The following COX7B2 variants were observed in gnomAD, a reference collection of about 807,000 sequenced individuals.
COX7B2 encodes cytochrome c oxidase subunit 7B2, also known as cytochrome c oxidase subunit 7B2, mitochondrial.
For missense variants in COX7B2, 109 were observed against 95.9 expected, an observed-to-expected ratio of 1.14 and a Z score of -0.57; for synonymous variants, 37 against 32.1, an observed-to-expected ratio of 1.15 and a Z score of -0.51.
Position 46,891,746 on chromosome 4 carries a change from T to A in COX7B2, c.-105+17414A>T, listed in dbSNP as rs193218215. Among the ~76,000 whole-genome samples, 132 of 152,258 alleles carry A rather than the reference T, an allele frequency of 8.7e-4. 2 individuals carry two copies. The highest frequency in any genetic ancestry group is 1.4e-3 in the Non-Finnish European group (96 of 68,020). ...TCTTCAAACCTGTGTCACTAGGCAA[T>A]AACGGAAGATTCAGGAAAAGCTGAA... is the stretch of plus-strand genomic sequence containing the variant. On this transcript the variant is annotated intron_variant, in intron 1 of 2. Transcript: ENST00000355591.
At chr4:46,738,226 A>T (rs1212971609) in intron 2 of COX7B2, among the ~76,000 whole-genome samples, 1 of 152,042 alleles carries the variant, frequency 6.6e-6, no homozygotes, top group Admixed American at 6.6e-5. Flanking sequence ...TGACAAATTG[A>T]TTTCATTTTT....
chr4:46,777,112 T>A (rs59513264), intron 2 of COX7B2, among the ~76,000 whole-genome samples: 5,119 of 152,232 alleles, frequency 0.034, 219 homozygotes, highest in African/African-American at 0.1. Flanking sequence ...CATGCCATGG[T>A]CATTAAGGCT....
At chr4:46,896,588 T>C (rs1381706800) in intron 1 of COX7B2, among the ~76,000 whole-genome samples, 1 of 152,066 alleles carries the variant, frequency 6.6e-6, no homozygotes, top group Non-Finnish European at 1.5e-5. Flanking sequence ...TGGAAAAACC[T>C]TCCTCTGGGG....
At chr4:46,842,038 AATTAAC>A (rs1428590175) in intron 2 of COX7B2, among the ~76,000 whole-genome samples, 2 of 151,994 alleles carry the variant, frequency 1.3e-5, no homozygotes, top group African/African-American at 4.8e-5. Context: ...CAGTTTCTAA[AATTAAC>A]ATTCCTTTAC....
intron 2 of COX7B2, among the ~76,000 whole-genome samples, chr4:46,840,031 A>G (rs769902837): frequency 1.3e-5 from 2 of 152,020 alleles, no homozygotes; most frequent in Non-Finnish European, 2.9e-5. Context: ...CAACCTGAGG[A>G]CGTTCTCTTA....
At chr4:46,825,419 G>T (rs985774883) in intron 2 of COX7B2, among the ~76,000 whole-genome samples, 1 of 152,096 alleles carries the variant, frequency 6.6e-6, no homozygotes, top group Non-Finnish European at 1.5e-5. Flanking sequence ...CATGCTCATA[G>T]AAGGAAGAAT....
chr4:46,880,916 C>T (rs1198380956), intron 1 of COX7B2, among the ~76,000 whole-genome samples: 1 of 144,514 alleles, frequency 6.9e-6, no homozygotes, highest in Non-Finnish European at 1.5e-5. Flanking sequence ...GTGGGTGCAG[C>T]GCACCAGCAT....
chr4:46,900,440 G>A (rs1258286690), intron 1 of COX7B2, among the ~76,000 whole-genome samples: 1 of 152,162 alleles, frequency 6.6e-6, no homozygotes, highest in East Asian at 1.9e-4. Context: ...GGCTTCTTGA[G>A]TAGAACAACT....
intron 1 of COX7B2, among the ~76,000 whole-genome samples, chr4:46,846,618 T>A (rs994634025): frequency 6.6e-6 from 1 of 151,744 alleles, no homozygotes; most frequent in Non-Finnish European, 1.5e-5. Flanking sequence ...CCTGAGCTGC[T>A]CAGAAAACAG....
intron 2 of COX7B2, among the ~76,000 whole-genome samples, chr4:46,794,963 C>T (rs1718245484): frequency 6.6e-6 from 1 of 152,190 alleles, no homozygotes; most frequent in Non-Finnish European, 1.5e-5. Context: ...AGCCAATTTA[C>T]AGATTCAGAA....
chr4:46,868,503 A>T (rs1717804166), intron 1 of COX7B2, among the ~76,000 whole-genome samples: 1 of 152,124 alleles, frequency 6.6e-6, no homozygotes, highest in South Asian at 2.1e-4. Flanking sequence ...TGATGTGGGC[A>T]TTAGTCCTAT....
At chr4:46,826,934 C>A (rs567532318) in intron 2 of COX7B2, among the ~76,000 whole-genome samples, 1 of 151,976 alleles carries the variant, frequency 6.6e-6, no homozygotes, top group South Asian at 2.1e-4. Flanking sequence ...GGAAATTCTA[C>A]AGCCAAAAAG....
At chr4:46,907,313 T>C (rs909053416) in intron 1 of COX7B2, among the ~76,000 whole-genome samples, 1 of 152,200 alleles carries the variant, frequency 6.6e-6, no homozygotes, top group East Asian at 1.9e-4. Context: ...CCTAAAAACT[T>C]TTCTTTTTCT....
intron 1 of COX7B2, among the ~76,000 whole-genome samples, chr4:46,896,410 CAATA>C (rs1719764684): frequency 6.6e-6 from 1 of 152,072 alleles, no homozygotes; most frequent in Admixed American, 6.6e-5. Flanking sequence ...CCAATAAATG[CAATA>C]AATAATTAAA....
At chr4:46,890,887 T>C (rs1172337192) in intron 1 of COX7B2, among the ~76,000 whole-genome samples, 1 of 152,180 alleles carries the variant, frequency 6.6e-6, no homozygotes, top group Admixed American at 6.5e-5. Context: ...AATAGCATAG[T>C]TACATTTTAA....
chr4:46,811,601 T>C (rs557040194), intron 2 of COX7B2, among the ~76,000 whole-genome samples: 5 of 152,204 alleles, frequency 3.3e-5, no homozygotes, highest in East Asian at 1.9e-4. Context: ...CTTAAGATCA[T>C]TATTTTGATT....
chr4:46,806,052 T>C (rs1292006730), intron 2 of COX7B2, among the ~76,000 whole-genome samples: 1 of 152,178 alleles, frequency 6.6e-6, no homozygotes, highest in Admixed American at 6.5e-5. Context: ...GTCCTTGTAA[T>C]TGCCTCATAT....
chr4:46,780,120 C>T (rs1456133125), intron 2 of COX7B2, among the ~76,000 whole-genome samples: 1 of 152,002 alleles, frequency 6.6e-6, no homozygotes, highest in African/African-American at 2.4e-5. Flanking sequence ...ATTTAATAAG[C>T]TTGATTAGAT....
At chr4:46,886,440 A>C (rs1305865566) in intron 1 of COX7B2, among the ~76,000 whole-genome samples, 1 of 152,184 alleles carries the variant, frequency 6.6e-6, no homozygotes, top group Non-Finnish European at 1.5e-5. Flanking sequence ...AGTATACAAT[A>C]AGTTATCGTT....
Sources: gnomAD v4.1 joint callset for allele counts (sites outside exome capture counted in the v4.1 genomes callset) on GRCh38, gnomAD v4.1.1 for gene constraint, MANE v1.5 for transcripts, NCBI Gene and HGNC (gene_info 2026-07-23, HGNC 2026-07-21) for gene names.